The following LPIN1 variants were observed in gnomAD, a reference collection of about 807,000 sequenced individuals.
LPIN1 encodes the protein lipin 1, also known as phosphatidate phosphatase LPIN1.
LPIN1 carries 71 observed loss-of-function variants against 107.5 expected under a neutral mutation model. The observed-to-expected ratio is 0.66, with a 90% CI of 0.55 to 0.80. The LOEUF is 0.80. Ranked by LOEUF, LPIN1 falls within the 30% of genes least tolerant of loss-of-function variation. LPIN1 has a pLI of 0.00. For missense variants in LPIN1, 1,043 were observed against 1,160.6 expected (o/e 0.90, Z 1.47); for synonymous variants, 445 against 452.6 (o/e 0.98, Z 0.21).
At chr2:11,759,190 T>TTTTC (rs1198187531) in intron 1 of LPIN1, among the ~76,000 whole-genome samples, 21 of 122,936 alleles carry the variant, frequency 1.7e-4, no homozygotes, top group African/African-American at 5.8e-4. Context: ...TCTTTCTTTC[T>TTTTC]TTTCTTTCTT....
chr2:11,810,212 G>T (rs777950535), intron 17 of LPIN1, among the ~76,000 whole-genome samples: 19 of 152,130 alleles, frequency 1.2e-4, no homozygotes, highest in Non-Finnish European at 1.9e-4. Context: ...GCAGTGAGGG[G>T]CAGATCGAGT....
chr2:11,764,910 G>T (rs1271678295), intron 1 of LPIN1, among the ~76,000 whole-genome samples: 2 of 152,246 alleles, frequency 1.3e-5, no homozygotes, highest in African/African-American at 4.8e-5. Context: ...CTGCAGAGGA[G>T]ACAGGGCCTG....
At chr2:11,818,778 T>G (rs1191699055) in intron 18 of LPIN1, 2 of 152,156 alleles carry the variant, frequency 1.3e-5, no homozygotes, top group Admixed American at 6.5e-5. Context: ...GTTTTTTTAG[T>G]ATTCCCTTCT....
In LPIN1 at chr2:11,795,412, G is replaced by A; in HGVS notation, c.1811G>A (p.Ser604Asn). 1 of 1,613,792 alleles carries A rather than the reference G, an allele frequency of 6.2e-7. No individual in the cohort carries two copies. Among genetic ancestry groups the A allele is most frequent in the South Asian group, 1.1e-5 (1 of 91,078 alleles). Reference protein sequence around the residue: ...RGRNTTIKEESKPEQCLAGKA... With the variant: ...RGRNTTIKEENKPEQCLAGKA... ...CTTTCTTTTCTTCTTTTCTAGGAAA[G>A]TAAGCCAGAGCAGTGCTTGGCTGGC... The change falls in exon 14 of 21, where the codon AGT becomes AAT. Residue 604 changes from serine (S) to asparagine (N), a missense_variant. Ser to Asn is a conservative substitution (Grantham distance 46). Coordinates refer to ENST00000674199, the MANE Select transcript of LPIN1 (RefSeq NM_001349206.2).
At position 11,782,446 on chromosome 2, in the gene LPIN1, AC is replaced by A. The variant is rs745547203; in HGVS notation, c.1209del (p.Ser404LeufsTer4). ...TCTTGCCCATGATCGAGGAGCTCAAACCCCCCTCTGCCAGTGTAGTCCAGAC... is the reference window on the plus strand; with the variant it reads ...TCTTGCCCATGATCGAGGAGCTCAAACCCCCTCTGCCAGTGTAGTCCAGAC... ...PLLPMIEELK[P>X]PSASVVQTAN... On this transcript the variant is annotated frameshift_variant, in exon 8 of 21. Coordinates refer to ENST00000674199, the MANE Select transcript of LPIN1 (RefSeq NM_001349206.2). LOFTEE classifies it high-confidence loss of function. 1 of 1,613,992 alleles carries A rather than the reference AC, an allele frequency of 6.2e-7. No individual in the cohort carries two copies. Among genetic ancestry groups the A allele is most frequent in the Admixed American group, 1.7e-5 (1 of 59,996 alleles).
chr2:11,777,231 C>T (rs1371710184), intron 6 of LPIN1: 1 of 152,212 alleles, frequency 6.6e-6, no homozygotes, highest in Non-Finnish European at 1.5e-5. Flanking sequence ...TGAATTCCCT[C>T]AGTGACGGTC....
Position 11,786,706 on chromosome 2 carries a change from C to T in LPIN1, c.1550-368C>T, listed in dbSNP as rs182994356. Among the ~76,000 whole-genome samples, 639 of 152,326 alleles carry T rather than the reference C, an allele frequency of 4.2e-3. 4 individuals are homozygous for T. The highest frequency in any genetic ancestry group is 0.015 in the African/African-American group (604 of 41,574). On this transcript the variant is annotated intron_variant, in intron 10 of 20. Transcript: ENST00000674199. The surrounding 1 kb of genome is among the most constrained non-coding windows in gnomAD (Gnocchi z 4.1). ...GAGGTGAACCGCTTGCCCAGGGTTA[C>T]CCCCGTAATCGTGACTTCAGCCGAG...
chr2:11,823,943 C>G (rs1313898354), intron 20 of LPIN1, among the ~76,000 whole-genome samples: 1 of 152,164 alleles, frequency 6.6e-6, no homozygotes. Flanking sequence ...GCCCGGGTCT[C>G]TTGACCGTCA....
In LPIN1 at chr2:11,786,953, G is replaced by A. The variant is rs930885837; in HGVS notation, c.1550-121G>A. On this transcript the variant is annotated intron_variant, in intron 10 of 20. Coordinates refer to ENST00000674199, the MANE Select transcript of LPIN1 (RefSeq NM_001349206.2). The surrounding 1 kb of genome is among the most constrained non-coding windows in gnomAD (Gnocchi z 4.1). ...ACAAATACATTTTATAGGATTGTCTGCACAGTTGGAATGCACAAACTCTCA... is the reference window on the plus strand; with the variant it reads ...ACAAATACATTTTATAGGATTGTCTACACAGTTGGAATGCACAAACTCTCA... The A allele has an allele frequency of 1.1e-5, 8 of 743,766 alleles. 1 individual carries two copies. The East Asian group carries it at 2.1e-4, about 19-fold the overall frequency. The allele number at this position is 743,766 out of a possible 1,614,324, so 46.1% of individuals were successfully genotyped here.
chr2:11,765,095 A>G lies in LPIN1; in HGVS notation c.-9-438A>G, dbSNP rs573351545. Among the ~76,000 whole-genome samples, 3 of 151,226 alleles carry G rather than the reference A, an allele frequency of 2.0e-5. No individual in the cohort carries two copies. The highest frequency in any genetic ancestry group is 4.9e-5 in the African/African-American group (2 of 40,996). ...CTGTGATGGACCCTGGTGGGCTCTGATGGTCCATGATGGGCCATGGTGGAC... is the reference window on the plus strand; with the variant it reads ...CTGTGATGGACCCTGGTGGGCTCTGGTGGTCCATGATGGGCCATGGTGGAC... On this transcript the variant is annotated intron_variant, in intron 1 of 20. Coordinates refer to ENST00000674199, the MANE Select transcript of LPIN1 (RefSeq NM_001349206.2). The surrounding 1 kb of genome is among the most constrained non-coding windows in gnomAD (Gnocchi z 4.4).
upstream of LPIN1, among the ~76,000 whole-genome samples, chr2:11,742,891 G>T (rs1666516867): frequency 6.6e-6 from 1 of 152,244 alleles, no homozygotes; most frequent in Admixed American, 6.5e-5. Context: ...ACCTGTGCGT[G>T]CCTGACTGCT....
chr2:11,773,627 C>G lies in LPIN1; in HGVS notation c.604C>G (p.Pro202Ala), dbSNP rs1672218419. Residue 202 changes from proline (P) to alanine (A), a missense_variant, in exon 5 of 21, where the codon CCT becomes GCT. By Grantham distance (27) the Pro-to-Ala change is conservative. Transcript: ENST00000674199. ...TTTTTTTTTTTCCTCCAGAACTCTT[C>G]CTAATGATATACCTCCATTCCAAGA... ...MELLESSRTL[P>A]NDIPPFQDDI... The G allele has an allele frequency of 6.2e-7, 1 of 1,608,982 alleles. No homozygotes were observed. Among genetic ancestry groups the G allele is most frequent in the Non-Finnish European group, 8.5e-7 (1 of 1,175,826 alleles).
intron 1 of LPIN1, among the ~76,000 whole-genome samples, chr2:11,756,997 C>G (rs1668784686): frequency 6.6e-6 from 1 of 152,116 alleles, no homozygotes; most frequent in African/African-American, 2.4e-5. Flanking sequence ...TTAGAGAAAC[C>G]CAGTCTTGCC....
upstream of LPIN1, among the ~76,000 whole-genome samples, chr2:11,719,859 C>G (rs1189894510): frequency 6.8e-6 from 1 of 147,200 alleles, no homozygotes; most frequent in East Asian, 2.0e-4. Context: ...CTAGCACAAT[C>G]AGATACAACA....
intron 17 of LPIN1, among the ~76,000 whole-genome samples, chr2:11,814,793 A>ATCCATCTGAACCTCAGTTTCC (rs1179777213): frequency 3.7e-4 from 57 of 152,176 alleles, no homozygotes; most frequent in African/African-American, 1.3e-3. Flanking sequence ...AGCCAGTTTC[A>ATCCATCTGAACCTCAGTTTCC]TCCATCTGAA....
intron 20 of LPIN1, among the ~76,000 whole-genome samples, chr2:11,822,381 C>CG (rs1345398588): frequency 6.7e-6 from 1 of 150,238 alleles, no homozygotes; most frequent in Non-Finnish European, 1.5e-5. Context: ...ACCCAGGAGA[C>CG]GGAGGTTGCA....
intron 1 of LPIN1, among the ~76,000 whole-genome samples, chr2:11,700,463 TCTCAG>T (rs1319165323): frequency 1.3e-5 from 2 of 151,030 alleles, no homozygotes; most frequent in Non-Finnish European, 3.0e-5. Context: ...TCTCTCTCTC[TCTCAG>T]CTCTCTCTCT....
At chr2:11,790,878 T>C (rs1425583598) in intron 12 of LPIN1, among the ~76,000 whole-genome samples, 2 of 152,256 alleles carry the variant, frequency 1.3e-5, no homozygotes, top group African/African-American at 4.8e-5. Flanking sequence ...CTGAGAATTT[T>C]CTGGGCTATT....
chr2:11,707,316 G>A lies in LPIN1; in HGVS notation c.82-6440G>A, dbSNP rs185614982. Among the ~76,000 whole-genome samples, 28 of 152,306 alleles carry A rather than the reference G, an allele frequency of 1.8e-4. No individual in the cohort carries two copies. Among genetic ancestry groups the A allele is most frequent in the Admixed American group, 4.6e-4 (7 of 15,302 alleles). ...AGACCAGCATGAAGTGAGAGAAGGA[G>A]GCTTAGGGAGAATCTGCCAGGCAGA... On this transcript the variant is annotated intron_variant, in intron 1 of 21. Coordinates refer to the LPIN1 transcript ENST00000449576. The surrounding 1 kb of genome is among the most constrained non-coding windows in gnomAD (Gnocchi z 4.2).
Sources: allele counts gnomAD v4.1 joint callset (sites outside exome capture counted in the v4.1 genomes callset), GRCh38; gene constraint gnomAD v4.1.1; non-coding constraint Gnocchi (gnomAD v3.1); transcripts MANE v1.5; gene names NCBI Gene and HGNC (gene_info 2026-07-23, HGNC 2026-07-21).